Variants in PTPRK observed in about 807,000 individuals in gnomAD.
PTPRK encodes protein tyrosine phosphatase receptor type K.
A neutral mutation model predicts 178.0 loss-of-function variants in PTPRK; 75 were observed. The ratio of observed to expected loss-of-function variants is 0.42; its 90% CI spans 0.35 to 0.51. The LOEUF is 0.51. PTPRK is among the 20% of genes least tolerant of loss of function. PTPRK has a pLI of 0.02. For missense variants in PTPRK, 1,441 were observed against 1,797.8 expected, an observed-to-expected ratio of 0.80 and a Z score of 3.59; for synonymous variants, 637 against 620.6, an observed-to-expected ratio of 1.03 and a Z score of -0.39.
intron 13 of PTPRK, among the ~76,000 whole-genome samples, chr6:128,044,526 T>C (rs550935627): frequency 6.6e-6 from 1 of 152,146 alleles, no homozygotes; most frequent in African/African-American, 2.4e-5. Context: ...TACCATGGTT[T>C]ACCAGGCCTT....
At chr6:128,003,152 G>T in intron 15 of PTPRK, 4 of 1,541,314 alleles carry the variant, frequency 2.6e-6, no homozygotes, top group Non-Finnish European at 3.6e-6. Flanking sequence ...ATGCAAGGAG[G>T]TGTGATCCAT....
intron 2 of PTPRK, among the ~76,000 whole-genome samples, chr6:128,377,390 T>C (rs1837255957): frequency 6.6e-6 from 1 of 152,040 alleles, no homozygotes; most frequent in Non-Finnish European, 1.5e-5. Flanking sequence ...ACCCATTCAC[T>C]AACACGAGAA....
chr6:128,001,800 T>C (rs1031739471), intron 15 of PTPRK, among the ~76,000 whole-genome samples: 4 of 151,980 alleles, frequency 2.6e-5, no homozygotes, highest in African/African-American at 4.8e-5. Context: ...TAGAAAATTA[T>C]TGTAAGGAAA....
In PTPRK at chr6:128,126,358, T is replaced by C. The variant is rs114240599; in HGVS notation, c.1163-36366A>G. ...TATTATTGAATAGTATTCCACTGTG[T>C]GCATATACCACCATTTCTTTATTCG... On this transcript the variant is annotated intron_variant, in intron 7 of 29. Transcript: ENST00000368226. 6.2e-3 allele frequency among the ~76,000 whole-genome samples: 944 copies of C among 152,350 alleles called. 17 individuals are homozygous for C. The highest frequency in any genetic ancestry group is 0.022 in the African/African-American group (894 of 41,580).
At chr6:128,302,393 A>G (rs1022897826) in intron 3 of PTPRK, among the ~76,000 whole-genome samples, 13 of 130,124 alleles carry the variant, frequency 1.0e-4, no homozygotes, top group Non-Finnish European at 1.5e-4. Context: ...CTCAATTCCA[A>G]AAAAAAAAAA....
At chr6:127,993,012 A>G (rs1402133747) in intron 18 of PTPRK, among the ~76,000 whole-genome samples, 1 of 151,782 alleles carries the variant, frequency 6.6e-6, no homozygotes, top group Non-Finnish European at 1.5e-5. Flanking sequence ...CTTCATGTAA[A>G]TGTTTAGTCA....
At chr6:128,431,955 T>C (rs2128394412) in intron 1 of PTPRK, among the ~76,000 whole-genome samples, 1 of 151,664 alleles carries the variant, frequency 6.6e-6, no homozygotes, top group Non-Finnish European at 1.5e-5. Flanking sequence ...ATTTATGTTC[T>C]TACCCCAATG....
intron 6 of PTPRK, among the ~76,000 whole-genome samples, chr6:128,206,381 G>A (rs1806964514): frequency 7.0e-6 from 1 of 143,806 alleles, no homozygotes; most frequent in Non-Finnish European, 1.5e-5. Flanking sequence ...AAAGATACAT[G>A]CTGCTAATAA....
At chr6:128,304,803 G>A (rs983799509) in intron 3 of PTPRK, among the ~76,000 whole-genome samples, 6 of 152,166 alleles carry the variant, frequency 3.9e-5, no homozygotes, top group African/African-American at 1.4e-4. Flanking sequence ...GTCCAGCTAG[G>A]AAGACAGTTA....
At chr6:128,508,962 AAAG>A (rs887647577) in intron 1 of PTPRK, among the ~76,000 whole-genome samples, 55 of 150,840 alleles carry the variant, frequency 3.6e-4, no homozygotes, top group African/African-American at 1.3e-3. Flanking sequence ...AAAAAAAAGA[AAAG>A]AAAAGAAAAG....
chr6:128,354,231 G>GTTTTTTTTTTTTTTTTATT (rs1833618037), intron 2 of PTPRK, among the ~76,000 whole-genome samples: 1 of 49,358 alleles, frequency 2.0e-5, no homozygotes, highest in Non-Finnish European at 3.2e-5. Flanking sequence ...TTTTGTTTAT[G>GTTTTTTTTTTTTTTTTATT]TTTTTTTTTT....
At position 128,322,098 on chromosome 6, in the gene PTPRK, C is replaced by T. The variant is rs1171203841; in HGVS notation, c.436G>A (p.Gly146Ser). The T allele has an allele frequency of 1.2e-6, 2 of 1,613,846 alleles. No individual in the cohort carries two copies. The highest frequency in any genetic ancestry group is 1.3e-5 in the African/African-American group (1 of 74,898). Residue 146 changes from glycine (G) to serine (S), a missense_variant, in exon 3 of 30, where the codon GGT becomes AGT. Coordinates refer to ENST00000368226, the MANE Select transcript of PTPRK (RefSeq NM_002844.4). ...AGCTCAGCCCGAAGCCAATCTCTAC[C>T]CGTGAATCCAGTCACATTCCAAATT... is the stretch of plus-strand genomic sequence containing the variant. ...NPIWNVTGFT[G>S]RDWLRAELAV...
At chr6:128,448,571 G>A (rs1324873354) in intron 1 of PTPRK, among the ~76,000 whole-genome samples, 1 of 152,040 alleles carries the variant, frequency 6.6e-6, no homozygotes, top group Admixed American at 6.6e-5. Context: ...AATAATTACT[G>A]GAAATAATTT....
intron 4 of PTPRK, among the ~76,000 whole-genome samples, chr6:128,241,930 C>T (rs1202962778): frequency 6.7e-6 from 1 of 149,956 alleles, no homozygotes; most frequent in African/African-American, 2.5e-5. Context: ...TACAGGTGTG[C>T]ACCACCACGC....
chr6:128,357,297 T>C (rs1356088561), intron 2 of PTPRK, among the ~76,000 whole-genome samples: 1 of 152,212 alleles, frequency 6.6e-6, no homozygotes, highest in Non-Finnish European at 1.5e-5. Context: ...AACTGTTTAA[T>C]CAGCTATGGA....
intron 7 of PTPRK, among the ~76,000 whole-genome samples, chr6:128,135,077 A>AACACACACACACAC (rs1794815388): frequency 8.8e-6 from 1 of 113,674 alleles, no homozygotes; most frequent in African/African-American, 4.5e-5. Context: ...TAATCATTCA[A>AACACACACACACAC]TCACACACAC....
At chr6:128,024,880 T>C (rs113475054) in intron 13 of PTPRK, among the ~76,000 whole-genome samples, 3 of 152,274 alleles carry the variant, frequency 2.0e-5, no homozygotes, top group African/African-American at 4.8e-5. Context: ...GAATTTATCA[T>C]TAGATTTTTC....
intron 13 of PTPRK, among the ~76,000 whole-genome samples, chr6:128,026,295 G>A (rs1214056685): frequency 6.6e-6 from 1 of 152,142 alleles, no homozygotes; most frequent in Non-Finnish European, 1.5e-5. Flanking sequence ...GCTGCAGAAG[G>A]TCTGGCAAAA....
At chr6:128,222,775 CTATCT>C (rs1324532789) in intron 5 of PTPRK, among the ~76,000 whole-genome samples, 1 of 152,148 alleles carries the variant, frequency 6.6e-6, no homozygotes, top group African/African-American at 2.4e-5. Flanking sequence ...TGAATTTGCA[CTATCT>C]TATCAACTAT....
Sources: allele counts gnomAD v4.1 joint callset (sites outside exome capture counted in the v4.1 genomes callset), GRCh38; gene constraint gnomAD v4.1.1; transcripts MANE v1.5; gene names NCBI Gene and HGNC (gene_info 2026-07-23, HGNC 2026-07-21).